Variants in AKAP1 observed in about 807,000 individuals in gnomAD.
AKAP1 encodes the protein A-kinase anchor protein 1, mitochondrial.
AKAP1 carries 32 observed loss-of-function variants against 79.8 expected under a neutral mutation model. The ratio of observed to expected loss-of-function variants is 0.40; its 90% confidence interval spans 0.30 to 0.54. The LOEUF (loss-of-function observed/expected upper bound fraction) is 0.54, where lower values mean the gene tolerates loss of function less well. Among genes scored for constraint, AKAP1 ranks in the 20% least tolerant of loss-of-function variants. The pLI is 0.47. For missense variants in AKAP1, 961 were observed against 1,138.9 expected, an observed-to-expected ratio of 0.84 and a Z score of 2.25; for synonymous variants, 416 against 466.7, an observed-to-expected ratio of 0.89 and a Z score of 1.40.
chr17:57,112,462 T>A (rs756845747), intron 4 of AKAP1, 29 bp from the exon 5 acceptor site: 2 of 1,606,712 alleles, frequency 1.2e-6, no homozygotes, highest in East Asian at 2.2e-5. Flanking sequence ...TTACAGTGAT[T>A]GTATGTCCTG....
At chr17:57,113,773 G>T (rs1384068755) in intron 5 of AKAP1, among the ~76,000 whole-genome samples, 1 of 151,700 alleles carries the variant, frequency 6.6e-6, no homozygotes, top group Non-Finnish European at 1.5e-5. Flanking sequence ...CAGCTAATTT[G>T]TATGTTTTTA....
intron 1 of AKAP1, among the ~76,000 whole-genome samples, chr17:57,097,653 G>T (rs904920114): frequency 2.0e-5 from 3 of 152,232 alleles, no homozygotes; most frequent in African/African-American, 7.2e-5. Flanking sequence ...GAGTCCCTCA[G>T]CAGGAACTTA....
rs1915856544 is a variant in AKAP1, at chr17:57,120,398, A to G, written c.*74A>G. ...CTTGGCACTCAAGTCAAAGATGAAC[A>G]TCGGAATAACAAACATTGTCCTCTC... On this transcript the variant is annotated 3_prime_UTR_variant, in exon 11 of 11. Transcript: ENST00000337714. 17 of 1,330,224 alleles carry G rather than the reference A, an allele frequency of 1.3e-5. No individual in the cohort carries two copies. Among genetic ancestry groups the G allele is most frequent in the Middle Eastern group, 1.8e-4 (1 of 5,458 alleles). The allele number at this position is 1,330,224 out of a possible 1,614,324, so 82.4% of individuals were successfully genotyped here. A position where few individuals can be genotyped will look rare whatever the true frequency, so the allele number is the denominator to read the frequency against.
Position 57,086,600 on chromosome 17 carries a change from C to CT in AKAP1, c.-25+1203dup, listed in dbSNP as rs1185757164. ...GCGCAGGGCAATTAGTGAGGTTAAC[C>CT]TGGGTATCTTTCCCCTACTGTAGTG... On this transcript the variant is annotated intron_variant, in intron 1 of 10. Coordinates refer to ENST00000337714, the MANE Select transcript of AKAP1 (RefSeq NM_003488.4). This position sits in a 1 kb window ranked among gnomAD's most constrained non-coding sequence, Gnocchi z 5.1. 5.7e-6 allele frequency: 2 copies of CT among 352,906 alleles called. No individual in the cohort carries two copies. Among genetic ancestry groups the CT allele is most frequent in the Admixed American group, 7.9e-5 (2 of 25,284 alleles). 21.9% of individuals were successfully genotyped at this position (352,906 alleles called of 1,614,324 possible). A position where few individuals can be genotyped will look rare whatever the true frequency, so the allele number is the denominator to read the frequency against.
intron 2 of AKAP1, 32 bp downstream of exon 2, chr17:57,107,210 G>A: frequency 1.3e-6 from 2 of 1,549,412 alleles, no homozygotes; most frequent in Non-Finnish European, 1.7e-6. Flanking sequence ...TTAGAGGATG[G>A]GGCGCTCCCA....
intron 1 of AKAP1, among the ~76,000 whole-genome samples, 185 bp from the exon 2 acceptor site, chr17:57,105,256 A>AC (rs1408062410): frequency 6.6e-6 from 1 of 151,950 alleles, no homozygotes; most frequent in Non-Finnish European, 1.5e-5. Flanking sequence ...CTGGCCACTG[A>AC]CCCCCAGTGG....
Position 57,116,251 on chromosome 17 carries a change from C to T in AKAP1, c.2422C>T (p.Arg808Trp), listed in dbSNP as rs780955595. Residue 808 changes from arginine to tryptophan, a missense_variant, in exon 7 of 11, where the codon CGG becomes TGG. Arg to Trp is a moderately radical substitution (Grantham distance 101). Coordinates refer to ENST00000337714, the MANE Select transcript of AKAP1 (RefSeq NM_003488.4). ...GYKRVKVDVL[R>W]QIRSDFVTLP... The stretch of plus-strand genomic sequence containing the variant: ...TAAGAGGGTGAAAGTAGACGTGCTC[C>T]GGCAAATCAGGTGAGCGGAGATGCC... 12 of 1,613,988 alleles carry T rather than the reference C, an allele frequency of 7.4e-6. No homozygotes were observed. The highest frequency in any genetic ancestry group is 3.3e-5 in the Admixed American group (2 of 59,994).
rs148299307 is a variant in AKAP1 at position 57,092,141 on chromosome 17, G to C, written c.-25+6743G>C. On this transcript the variant is annotated intron_variant, in intron 1 of 10. Coordinates refer to ENST00000337714, the MANE Select transcript of AKAP1 (RefSeq NM_003488.4). ...AAACATGAAAGGAGGCATGGCCATA[G>C]ACCCCCGGTGAGAATTCTTTACTGT... 634 of 152,338 alleles carry C rather than the reference G, an allele frequency of 4.2e-3. 5 individuals are homozygous for C. Among genetic ancestry groups the C allele is most frequent in the Non-Finnish European group, 7.1e-3 (486 of 68,058 alleles). The allele number at this position is 152,338 out of a possible 1,614,324, so 9.4% of individuals were successfully genotyped here.
At position 57,120,869 on chromosome 17, in the gene AKAP1, T is replaced by A. The variant is rs988941951; in HGVS notation, c.*545T>A. ...TTTAGGTCTCTAAACACAGACTTTT[T>A]AAATTGCAACTGTAAATATGAAATG... On this transcript the variant is annotated 3_prime_UTR_variant, in exon 11 of 11. Coordinates refer to ENST00000337714, the MANE Select transcript of AKAP1 (RefSeq NM_003488.4). The A allele has an allele frequency of 8.5e-5, 13 of 152,784 alleles. No individual in the cohort carries two copies. The highest frequency in any genetic ancestry group is 4.4e-5 in the Non-Finnish European group (3 of 68,128). 9.5% of individuals were successfully genotyped at this position (152,784 alleles called of 1,614,324 possible).
At position 57,106,099 on chromosome 17, in the gene AKAP1, A is replaced by T; in HGVS notation, c.635A>T (p.Glu212Val). 4 of 1,603,650 alleles carry T rather than the reference A, an allele frequency of 2.5e-6. No homozygotes were observed. Among genetic ancestry groups the T allele is most frequent in the Non-Finnish European group, 3.4e-6 (4 of 1,174,100 alleles). ...GGGACTGGTGATGCCGTGTTGGGGG[A>T]AAAGGTGCTTGAAGAAGCTCTGTTG... ...AEGTGDAVLG[E>V]KVLEEALLSR... Residue 212 changes from glutamate to valine, a missense_variant, in exon 2 of 11, where the codon GAA becomes GTA. Around this residue, in one of 3 missense-constraint regions of AKAP1, gnomAD observed 224 missense variants for 210.2 expected, o/e 1.07. Coordinates refer to ENST00000337714, the MANE Select transcript of AKAP1 (RefSeq NM_003488.4).
intron 1 of AKAP1, among the ~76,000 whole-genome samples, chr17:57,090,677 A>C (rs2144628651): frequency 6.6e-6 from 1 of 152,286 alleles, no homozygotes; most frequent in East Asian, 1.9e-4. Flanking sequence ...GAACATCTTC[A>C]TTTTATGGGA....
At chr17:57,097,013 T>A (rs780626385) in intron 1 of AKAP1, among the ~76,000 whole-genome samples, 28 of 152,166 alleles carry the variant, frequency 1.8e-4, no homozygotes, top group Non-Finnish European at 3.5e-4. Context: ...CCTTTACCTC[T>A]TGTGACCTAC....
chr17:57,097,984 G>C (rs1914230817), intron 1 of AKAP1, among the ~76,000 whole-genome samples: 1 of 152,206 alleles, frequency 6.6e-6, no homozygotes, highest in Non-Finnish European at 1.5e-5. Flanking sequence ...ACCATTGCCA[G>C]GGATTTGTTT....
Position 57,114,455 on chromosome 17 carries a change from A to G in AKAP1, c.2104-4A>G. On this transcript the variant is annotated splice_polypyrimidine_tract_variant and splice_region_variant and intron_variant, in intron 5 of 10. Transcript: ENST00000337714. ...CAGTGACCGCTCCCCCTTCCCCTCTACAGCTCATGCTGCCTGATGGCATCA... is the reference window on the plus strand; with the variant it reads ...CAGTGACCGCTCCCCCTTCCCCTCTGCAGCTCATGCTGCCTGATGGCATCA... 1.2e-6 allele frequency: 2 copies of G among 1,613,750 alleles called. No homozygotes were observed. The highest frequency in any genetic ancestry group is 1.7e-6 in the Non-Finnish European group (2 of 1,179,964).
chr17:57,101,622 TAAAA>T (rs1712067180), intron 1 of AKAP1: 1 of 152,210 alleles, frequency 6.6e-6, no homozygotes, highest in Admixed American at 6.5e-5. Flanking sequence ...CTTGGGCTTT[TAAAA>T]GCTTACCAGA....
At chr17:57,087,205 T>C (rs573043267) in intron 1 of AKAP1, among the ~76,000 whole-genome samples, 1 of 152,356 alleles carries the variant, frequency 6.6e-6, no homozygotes, top group East Asian at 1.9e-4. Flanking sequence ...TGTTGTCAGA[T>C]GATGGCTCAG....
rs993853502 is a variant in AKAP1, at chr17:57,114,765, T to TA, written c.2281+130dup. 2.7e-6 allele frequency: 3 copies of TA among 1,106,308 alleles called. No homozygotes were observed. In the African/African-American group the frequency reaches 4.7e-5, roughly 17 times the overall value. The allele number at this position is 1,106,308 out of a possible 1,614,324, so 68.5% of individuals were successfully genotyped here. ...AGCATCCTTCAATTCTTGCCATTGT[T>TA]ATGGAGCTGGGGTGGGTTTCCTGGC... On this transcript the variant is annotated intron_variant, in intron 6 of 10. Coordinates refer to ENST00000337714, the MANE Select transcript of AKAP1 (RefSeq NM_003488.4).
chr17:57,106,465 A>G lies in AKAP1; in HGVS notation c.1001A>G (p.Asn334Ser). Residue 334 changes from asparagine (N) to serine (S), a missense_variant, in exon 2 of 11, where the codon AAT (asparagine) becomes AGT (serine). By Grantham distance (46) the Asn-to-Ser change is conservative (BLOSUM62 1). Coordinates refer to ENST00000337714, the MANE Select transcript of AKAP1 (RefSeq NM_003488.4). Reference protein sequence around the residue: ...LDRNEESLDRNEEGLDRNEEI... With the variant: ...LDRNEESLDRSEEGLDRNEEI... ...AGAAATGAGGAGAGCTTGGATAGAA[A>G]TGAGGAGGGCTTGGATAGAAATGAG... 1.2e-6 allele frequency: 2 copies of G among 1,608,950 alleles called. No individual in the cohort carries two copies. Among genetic ancestry groups the G allele is most frequent in the Non-Finnish European group, 1.7e-6 (2 of 1,175,804 alleles).
At chr17:57,097,464 A>G (rs918878649) in intron 1 of AKAP1, among the ~76,000 whole-genome samples, 10 of 152,238 alleles carry the variant, frequency 6.6e-5, no homozygotes, top group African/African-American at 2.2e-4. Context: ...ACAAGCCAAG[A>G]GGCGCTTTTG....
Sources: allele counts gnomAD v4.1 joint callset (sites outside exome capture counted in the v4.1 genomes callset), GRCh38; gene constraint gnomAD v4.1.1; regional missense constraint gnomAD v4.1.1; non-coding constraint Gnocchi (gnomAD v3.1); transcripts MANE v1.5; gene names NCBI Gene and HGNC (gene_info 2026-07-23, HGNC 2026-07-21).